SRGAP3: variants seen among roughly 807,000 people sequenced by gnomAD.
SRGAP3 encodes SLIT-ROBO Rho GTPase activating protein 3.
In SRGAP3, 39 loss-of-function variants were observed where a neutral mutation model predicts 121.1. That is an observed-to-expected ratio of 0.32 (90% confidence interval 0.25 to 0.42). The LOEUF is 0.42. SRGAP3 is among the 10% of genes least tolerant of loss of function. The probability of loss-of-function intolerance (pLI) is 1.00; values close to 1 mark genes in which losing one functional copy is unlikely to be tolerated. For missense variants in SRGAP3, 1,213 were observed against 1,470.6 expected, an observed-to-expected ratio of 0.82 and a Z score of 2.86; for synonymous variants, 601 against 570.0, an observed-to-expected ratio of 1.05 and a Z score of -0.77.
intron 1 of SRGAP3, among the ~76,000 whole-genome samples, chr3:9,332,152 A>C (rs1955619774): frequency 6.6e-6 from 1 of 151,994 alleles, no homozygotes; most frequent in African/African-American, 2.4e-5. Context: ...ATGGAGTCTC[A>C]CTCTGTCACA....
At chr3:9,122,058 T>G (rs188501566) in intron 2 of SRGAP3, among the ~76,000 whole-genome samples, 5 of 152,296 alleles carry the variant, frequency 3.3e-5, no homozygotes, top group Admixed American at 6.5e-5. Flanking sequence ...ACAGACATGT[T>G]TGGACAAGCT....
intron 3 of SRGAP3, among the ~76,000 whole-genome samples, chr3:9,274,404 G>C (rs1346757455): frequency 1.3e-5 from 2 of 152,208 alleles, no homozygotes; most frequent in East Asian, 3.9e-4. Context: ...CATCATGGGA[G>C]GGGGAGCATG....
chr3:9,216,141 T>C (rs555550513), intron 1 of SRGAP3, among the ~76,000 whole-genome samples: 1 of 152,346 alleles, frequency 6.6e-6, no homozygotes, highest in South Asian at 2.1e-4. Flanking sequence ...ACTGTTAGTA[T>C]GCACACTGCA....
In SRGAP3 at chr3:9,105,947, A is replaced by G. The variant is rs543182787; in HGVS notation, c.261-1105T>C. 5.9e-5 allele frequency among the ~76,000 whole-genome samples: 9 copies of G among 152,304 alleles called. No individual in the cohort carries two copies. In the South Asian group the frequency reaches 6.2e-4, roughly 11 times the overall value. ...GGCAAAATCATTGCACACAAAGCCT[A>G]TTTTCTAATAAACTGTTGAATATCT... On this transcript the variant is annotated intron_variant, in intron 2 of 21. Transcript: ENST00000383836.
intron 5 of SRGAP3, among the ~76,000 whole-genome samples, chr3:9,061,542 A>T (rs978877593): frequency 3.3e-5 from 5 of 152,170 alleles, no homozygotes; most frequent in African/African-American, 7.2e-5. Flanking sequence ...CTCTTTTCTT[A>T]ATAAGCACTT....
At chr3:9,198,954 C>CAGATAATGGG in intron 1 of SRGAP3, among the ~76,000 whole-genome samples, 1 of 152,312 alleles carries the variant, frequency 6.6e-6, no homozygotes, top group South Asian at 2.1e-4. Flanking sequence ...CCTCTCTCTC[C>CAGATAATGGG]AGATAATGGG....
intron 1 of SRGAP3, among the ~76,000 whole-genome samples, chr3:9,246,605 C>T (rs1220445438): frequency 6.6e-6 from 1 of 152,188 alleles, no homozygotes; most frequent in African/African-American, 2.4e-5. Context: ...TGAGTTCACA[C>T]TAACCCTACT....
intron 3 of SRGAP3, among the ~76,000 whole-genome samples, chr3:9,291,043 A>G (rs896372435): frequency 1.1e-4 from 17 of 152,150 alleles, no homozygotes; most frequent in African/African-American, 3.9e-4. Flanking sequence ...GATGCCCTTT[A>G]TATTCTTTTT....
At chr3:9,052,263 C>T (rs915061935) in intron 9 of SRGAP3, among the ~76,000 whole-genome samples, 5 of 152,114 alleles carry the variant, frequency 3.3e-5, no homozygotes, top group Non-Finnish European at 7.4e-5. Context: ...GAGAACAGAA[C>T]CAAGAAATCC....
At chr3:9,235,486 C>T (rs981994902) in intron 1 of SRGAP3, 7 of 148,232 alleles carry the variant, frequency 4.7e-5, no homozygotes, top group African/African-American at 1.7e-4. Flanking sequence ...AAACGAGTAG[C>T]TATTTTTTTT....
intron 3 of SRGAP3, among the ~76,000 whole-genome samples, chr3:9,276,908 C>A (rs913236622): frequency 6.6e-6 from 1 of 152,178 alleles, no homozygotes; most frequent in East Asian, 1.9e-4. Context: ...GAGCACTTAC[C>A]CTGCGCTCAG....
At chr3:8,990,372 G>A in intron 21 of SRGAP3, 140 bp downstream of exon 21, 2 of 1,110,164 alleles carry the variant, frequency 1.8e-6, no homozygotes, top group Non-Finnish European at 2.6e-6. Flanking sequence ...GCAAGGGACG[G>A]GGAGGCCACT....
chr3:9,025,434 T>C (rs1229866917), intron 13 of SRGAP3, 96 bp from the exon 14 acceptor site: 2 of 1,301,094 alleles, frequency 1.5e-6, no homozygotes, highest in Non-Finnish European at 2.2e-6. Context: ...CCATTGCTTG[T>C]CTCTTTCTCC....
chr3:9,093,137 T>A (rs902038998), intron 3 of SRGAP3, among the ~76,000 whole-genome samples: 1 of 152,270 alleles, frequency 6.6e-6, no homozygotes, highest in Non-Finnish European at 1.5e-5. Context: ...CTCTACATTA[T>A]CTTCAGGATG....
chr3:9,243,925 T>A (rs536342946), intron 1 of SRGAP3, among the ~76,000 whole-genome samples: 28 of 152,350 alleles, frequency 1.8e-4, no homozygotes, highest in African/African-American at 6.0e-4. Flanking sequence ...CCAGATTCCC[T>A]TGAAACACTG....
chr3:9,035,309 A>C (rs1944694377), intron 11 of SRGAP3: 1 of 160,342 alleles, frequency 6.2e-6, no homozygotes, highest in Non-Finnish European at 1.4e-5. Flanking sequence ...TTTTTTCTTA[A>C]ATTCTACAAA....
intron 1 of SRGAP3, among the ~76,000 whole-genome samples, chr3:9,353,396 C>T (rs989292479): frequency 6.6e-6 from 1 of 152,228 alleles, no homozygotes; most frequent in African/African-American, 2.4e-5. Flanking sequence ...TGACCTTCTT[C>T]CAGTAATCTC....
chr3:9,151,467 G>A (rs757342634), intron 1 of SRGAP3, among the ~76,000 whole-genome samples: 1 of 152,218 alleles, frequency 6.6e-6, no homozygotes, highest in African/African-American at 2.4e-5. Flanking sequence ...ATGAGTCAGA[G>A]GATGTGACAT....
At chr3:9,277,037 G>T (rs1954596706) in intron 3 of SRGAP3, among the ~76,000 whole-genome samples, 5 of 152,194 alleles carry the variant, frequency 3.3e-5, no homozygotes, top group African/African-American at 1.2e-4. Flanking sequence ...TAACCTCTGT[G>T]TGCCTCATTT....
Sources: gnomAD v4.1 joint callset for allele counts (sites outside exome capture counted in the v4.1 genomes callset) on GRCh38, gnomAD v4.1.1 for gene constraint, MANE v1.5 for transcripts, NCBI Gene and HGNC (gene_info 2026-07-23, HGNC 2026-07-21) for gene names.